Variants in CLIP4 observed in about 807,000 individuals in gnomAD.
CLIP4 encodes CAP-Gly domain containing linker protein family member 4, also known as CAP-Gly domain-containing linker protein 4.
CLIP4 carries 47 observed loss-of-function variants against 73.1 expected under a neutral mutation model. That is an observed-to-expected ratio of 0.64 (90% CI 0.51 to 0.82). The LOEUF (loss-of-function observed/expected upper bound fraction) is 0.82. CLIP4 is among the 40% of genes least tolerant of loss of function. The pLI is 0.00. For missense variants in CLIP4, 874 were observed against 852.9 expected, an observed-to-expected ratio of 1.02 and a Z score of -0.31; for synonymous variants, 306 against 295.4, an observed-to-expected ratio of 1.04 and a Z score of -0.37.
chr2:29,116,246 C>T (rs950464663), intron 1 of CLIP4, among the ~76,000 whole-genome samples: 5 of 152,204 alleles, frequency 3.3e-5, no homozygotes, highest in African/African-American at 9.7e-5. Context: ...GGATCCCATT[C>T]ACTGCTTATG....
intron 1 of CLIP4, among the ~76,000 whole-genome samples, chr2:29,101,509 A>T (rs868212263): frequency 6.6e-6 from 1 of 152,004 alleles, no homozygotes; most frequent in Non-Finnish European, 1.5e-5. Context: ...TAGCCTTTCA[A>T]TGTTCTTCTG....
chr2:29,155,265 A>G (rs147464541), intron 9 of CLIP4, among the ~76,000 whole-genome samples: 3 of 152,310 alleles, frequency 2.0e-5, no homozygotes, highest in Admixed American at 1.3e-4. Context: ...CCACTGCACT[A>G]CAGCCTGGCT....
upstream of CLIP4, among the ~76,000 whole-genome samples, chr2:29,112,696 T>C (rs1668412773): frequency 6.6e-6 from 1 of 152,228 alleles, no homozygotes; most frequent in African/African-American, 2.4e-5. Context: ...CAGGAAGATA[T>C]TAGGGGCTCT....
At chr2:29,105,472 C>A (rs2148435705) in intron 1 of CLIP4, among the ~76,000 whole-genome samples, 2 of 152,302 alleles carry the variant, frequency 1.3e-5, no homozygotes, top group Middle Eastern at 6.8e-3. Context: ...CTGACAGACT[C>A]CTCAGTCTTT....
At chr2:29,149,228 A>G (rs781620157) in intron 8 of CLIP4, among the ~76,000 whole-genome samples, 3 of 152,200 alleles carry the variant, frequency 2.0e-5, no homozygotes, top group Admixed American at 6.5e-5. Context: ...CTGTTGGGCC[A>G]TAGTTTACCA....
intron 15 of CLIP4, 113 bp from the exon 16 acceptor site, chr2:29,181,459 C>G: frequency 1.1e-6 from 1 of 873,018 alleles, no homozygotes. Flanking sequence ...AAAGTATTCT[C>G]TTTTGGGAAC....
intron 6 of CLIP4, among the ~76,000 whole-genome samples, chr2:29,136,990 G>A (rs1465895507): frequency 6.6e-6 from 1 of 151,650 alleles, no homozygotes; most frequent in African/African-American, 2.4e-5. Context: ...GTCAGCAGTA[G>A]CCCTCAGACC....
intron 8 of CLIP4, 85 bp downstream of exon 8, chr2:29,145,452 C>T: frequency 8.8e-7 from 1 of 1,136,096 alleles, no homozygotes; most frequent in Non-Finnish European, 1.2e-6. Flanking sequence ...TAAAACTTTT[C>T]TCCTGATTTC....
intron 1 of CLIP4, among the ~76,000 whole-genome samples, chr2:29,107,366 T>TTTTTTTTTTTTTTTTTTTGTTTTTTTTG (rs1558504943): frequency 1.0e-4 from 11 of 107,510 alleles, no homozygotes; most frequent in African/African-American, 4.1e-4. Flanking sequence ...TAGTTTTTTT[T>TTTTTTTTTTTTTTTTTTTGTTTTTTTTG]TTTTTTTTTT....
At chr2:29,175,135 G>A (rs1373017425) in intron 15 of CLIP4, among the ~76,000 whole-genome samples, 2 of 152,118 alleles carry the variant, frequency 1.3e-5, no homozygotes, top group African/African-American at 4.8e-5. Flanking sequence ...TAGGAGCCAC[G>A]AGAAATTAGA....
chr2:29,180,015 G>A (rs188104451), intron 15 of CLIP4, among the ~76,000 whole-genome samples: 2 of 152,270 alleles, frequency 1.3e-5, no homozygotes, highest in African/African-American at 2.4e-5. Context: ...ATGAGACATT[G>A]TGTGTGACAG....
At chr2:29,179,096 C>CT (rs962290958) in intron 15 of CLIP4, among the ~76,000 whole-genome samples, 15 of 152,306 alleles carry the variant, frequency 9.8e-5, no homozygotes, top group African/African-American at 2.2e-4. Flanking sequence ...CGCCCAGCCT[C>CT]TTTTTTTCAG....
At position 29,145,380 on chromosome 2, in the gene CLIP4, T is replaced by C; in HGVS notation, c.1021+13T>C. Reference sequence around the variant, plus strand: ...GCCCCCAAGTATGGTAAGGTTGATATTATTTAACTCGGTAAGAATTAATTA... The same window carrying C: ...GCCCCCAAGTATGGTAAGGTTGATACTATTTAACTCGGTAAGAATTAATTA... On this transcript the variant is annotated intron_variant, in intron 8 of 15. Coordinates refer to ENST00000320081, the MANE Select transcript of CLIP4 (RefSeq NM_024692.6). 1 of 1,582,842 alleles carries C rather than the reference T, an allele frequency of 6.3e-7. No homozygotes were observed. Among genetic ancestry groups the C allele is most frequent in the Non-Finnish European group, 8.6e-7 (1 of 1,158,360 alleles).
rs751729268 is a variant in CLIP4 at position 29,167,523 on chromosome 2, A to G, written c.1706A>G (p.Gln569Arg). The G allele has an allele frequency of 6.2e-7, 1 of 1,608,380 alleles. No homozygotes were observed. Among genetic ancestry groups the G allele is most frequent in the South Asian group, 1.1e-5 (1 of 89,830 alleles). The change falls in exon 14 of 16, where the codon CAG becomes CGG. Residue 569 changes from glutamine to arginine, a missense_variant. Physicochemically the swap from Gln to Arg is conservative, Grantham distance 43 (BLOSUM62 1). Transcript: ENST00000320081. Reference sequence around the variant, plus strand: ...CTTTCAGAAATTTCTTCAAATAAACAGAACCATTCTTATCCTGGTAAGACT... The same window carrying G: ...CTTTCAGAAATTTCTTCAAATAAACGGAACCATTCTTATCCTGGTAAGACT... ...DTLSEISSNKQNHSYPGFRRS... is the reference protein window; with the variant it reads ...DTLSEISSNKRNHSYPGFRRS...
intron 1 of CLIP4, among the ~76,000 whole-genome samples, chr2:29,107,369 T>G (rs1030781706): frequency 4.3e-5 from 5 of 115,210 alleles, no homozygotes; most frequent in African/African-American, 7.4e-5. Context: ...TTTTTTTTTT[T>G]TTTTTTTTTT....
intron 5 of CLIP4, among the ~76,000 whole-genome samples, chr2:29,134,020 T>G (rs996534800): frequency 6.6e-6 from 1 of 152,182 alleles, no homozygotes; most frequent in Admixed American, 6.5e-5. Context: ...TACAGAGAGA[T>G]ACAAAATGAA....
intron 15 of CLIP4, among the ~76,000 whole-genome samples, chr2:29,177,064 A>G (rs985357692): frequency 2.5e-4 from 38 of 152,118 alleles, no homozygotes; most frequent in African/African-American, 7.0e-4. Flanking sequence ...CAATATCCTC[A>G]CAGGTGATTG....
intron 6 of CLIP4, among the ~76,000 whole-genome samples, chr2:29,136,722 C>A (rs958694879): frequency 3.3e-5 from 5 of 152,024 alleles, no homozygotes; most frequent in African/African-American, 1.2e-4. Flanking sequence ...GTGAGGAAAG[C>A]ATCTTAGGCA....
intron 7 of CLIP4, among the ~76,000 whole-genome samples, chr2:29,144,763 G>C (rs1044141026): frequency 6.9e-6 from 1 of 144,614 alleles, no homozygotes; most frequent in Admixed American, 6.9e-5. Flanking sequence ...GGGAATTCCT[G>C]CTTGGATATT....
Sources: gnomAD v4.1 joint callset for allele counts (sites outside exome capture counted in the v4.1 genomes callset) on GRCh38, gnomAD v4.1.1 for gene constraint, MANE v1.5 for transcripts, NCBI Gene and HGNC (gene_info 2026-07-23, HGNC 2026-07-21) for gene names.